The following FREY1 variants were observed in gnomAD, a reference collection of about 807,000 sequenced individuals.
The protein encoded by FREY1 is Frey regulator of sperm-oocyte fusion 1.
the FREY1 span, chr11:45,906,869 C>T: frequency 6.2e-7 from 1 of 1,605,888 alleles, no homozygotes. Flanking sequence ...GAGATACTAC[C>T]ATCCACCAGG....
At chr11:45,907,152 G>A in the FREY1 span, 2 of 1,556,906 alleles carry the variant, frequency 1.3e-6, no homozygotes, top group Non-Finnish European at 1.7e-6. Context: ...CACCTCAGAG[G>A]CTGGGAGCGA....
At chr11:45,906,855 AAGAG>A in the FREY1 span, 3 of 1,613,688 alleles carry the variant, frequency 1.9e-6, no homozygotes, top group East Asian at 2.2e-5. Flanking sequence ...GGAAGGGGAC[AAGAG>A]AGATACTACC....
chr11:45,907,090 G>A, the FREY1 span: 5 of 1,532,626 alleles, frequency 3.3e-6, no homozygotes, highest in East Asian at 4.8e-5. Context: ...GAGGGGAGGG[G>A]CAGCACCTCC....
the FREY1 span, chr11:45,906,791 A>T: frequency 3.1e-6 from 5 of 1,607,120 alleles, no homozygotes; most frequent in Non-Finnish European, 4.3e-6. Context: ...AAGCCCCTGA[A>T]GGCTGGACTT....
At chr11:45,907,203 G>A in the FREY1 span, 2 of 1,556,168 alleles carry the variant, frequency 1.3e-6, no homozygotes, top group African/African-American at 1.4e-5. Context: ...AAGAGGCTGA[G>A]CCCAGCCCGG....
At chr11:45,906,567 G>A in the FREY1 span, 1 of 1,540,230 alleles carries the variant, frequency 6.5e-7, no homozygotes, top group Non-Finnish European at 8.8e-7. Flanking sequence ...GAGGGCCTTG[G>A]GTCATAGGTG....
chr11:45,907,078 GAGA>G, the FREY1 span: 3 of 1,518,820 alleles, frequency 2.0e-6, no homozygotes, highest in Non-Finnish European at 2.7e-6. Context: ...CCCCACTCCA[GAGA>G]GGGGAGGGGC....
At chr11:45,907,070 C>G in the FREY1 span, 1 of 1,529,966 alleles carries the variant, frequency 6.5e-7, no homozygotes. Context: ...AGGGCCAGCC[C>G]CACTCCAGAG....
At chr11:45,907,120 C>T in the FREY1 span, 10 of 1,552,264 alleles carry the variant, frequency 6.4e-6, no homozygotes, top group Non-Finnish European at 7.0e-6. Context: ...CCCAAGTGCC[C>T]TGCCCTCTGT....
At chr11:45,907,119 C>T in the FREY1 span, 2 of 1,551,426 alleles carry the variant, frequency 1.3e-6, no homozygotes, top group African/African-American at 1.4e-5. Context: ...GCCCAAGTGC[C>T]CTGCCCTCTG....
chr11:45,906,878 G>C, the FREY1 span: 1 of 1,613,934 alleles, frequency 6.2e-7, no homozygotes, highest in East Asian at 2.2e-5. Context: ...CCATCCACCA[G>C]GCCGGAAAGT....
the FREY1 span, chr11:45,906,977 A>G: frequency 6.2e-7 from 1 of 1,611,246 alleles, no homozygotes; most frequent in South Asian, 1.1e-5. Flanking sequence ...GCCCTGGCCC[A>G]GAAGGCCACC....
chr11:45,906,781 A>G, the FREY1 span: 4 of 1,603,474 alleles, frequency 2.5e-6, no homozygotes, highest in Non-Finnish European at 3.4e-6. Flanking sequence ...TTGGGATGAC[A>G]AGCCCCTGAA....
At chr11:45,906,667 G>A in the FREY1 span, 2 of 1,589,420 alleles carry the variant, frequency 1.3e-6, no homozygotes, top group East Asian at 2.2e-5. Flanking sequence ...CGCGGCCTTG[G>A]GTGCTTGGGG....
At chr11:45,907,060 A>G in the FREY1 span, 4 of 1,524,242 alleles carry the variant, frequency 2.6e-6, no homozygotes, top group Middle Eastern at 2.1e-4. Context: ...CCAGGGTACC[A>G]GGGCCAGCCC....
chr11:45,906,911 C>A, the FREY1 span: 1 of 1,613,768 alleles, frequency 6.2e-7, no homozygotes, highest in Non-Finnish European at 8.5e-7. Context: ...TCCAGGGGGG[C>A]GGAAAATGCC....
At chr11:45,907,009 G>A in the FREY1 span, 2 of 1,583,964 alleles carry the variant, frequency 1.3e-6, no homozygotes, top group Admixed American at 1.7e-5. Flanking sequence ...GTGAATGGGG[G>A]GATGGCTCAG....
At chr11:45,906,535 T>C in the FREY1 span, 1 of 1,503,462 alleles carries the variant, frequency 6.7e-7, no homozygotes, top group Non-Finnish European at 8.9e-7. Flanking sequence ...AGCCAAGCCT[T>C]TGTCACACAT....
the FREY1 span, chr11:45,906,813 T>C: frequency 6.2e-7 from 1 of 1,610,432 alleles, no homozygotes; most frequent in Non-Finnish European, 8.5e-7. Flanking sequence ...GGGCACCTCT[T>C]AGGGGCGTCT....
Sources: gnomAD v4.1 joint callset for allele counts on GRCh38, gnomAD v4.1.1 for gene constraint, MANE v1.5 for transcripts, NCBI Gene and HGNC (gene_info 2026-07-23, HGNC 2026-07-21) for gene names.